NDUFAF2: variants seen among roughly 807,000 people sequenced by gnomAD.
The protein encoded by NDUFAF2 is NADH:ubiquinone oxidoreductase complex assembly factor 2, also known as NADH dehydrogenase [ubiquinone] 1 alpha subcomplex assembly factor 2.
Under a neutral mutation model 22.8 loss-of-function variants are expected in NDUFAF2, and 13 were observed. The ratio of observed to expected loss-of-function variants is 0.57; its 90% CI spans 0.37 to 0.91. The LOEUF is 0.91. NDUFAF2 is among the 40% of genes least tolerant of loss of function. The probability of loss-of-function intolerance (pLI) is 0.01; values close to 1 mark genes in which losing one functional copy is unlikely to be tolerated. For missense variants in NDUFAF2, 162 were observed against 195.2 expected, an observed-to-expected ratio of 0.83 and a Z score of 1.01; for synonymous variants, 53 against 64.2, an observed-to-expected ratio of 0.83 and a Z score of 0.84.
intron 1 of NDUFAF2, among the ~76,000 whole-genome samples, chr5:61,039,498 A>G (rs917789795): frequency 2.6e-5 from 4 of 152,210 alleles, no homozygotes; most frequent in Non-Finnish European, 4.4e-5. Flanking sequence ...CAAATTTCCA[A>G]CTGAATCTCA....
chr5:61,133,266 G>A (rs1177574610), intron 3 of NDUFAF2, among the ~76,000 whole-genome samples: 2 of 151,802 alleles, frequency 1.3e-5, no homozygotes, highest in African/African-American at 4.8e-5. Flanking sequence ...TATTTCTTTG[G>A]GGAAAAAAAA....
chr5:61,022,408 C>T (rs898428624), intron 1 of NDUFAF2, among the ~76,000 whole-genome samples: 1 of 152,160 alleles, frequency 6.6e-6, no homozygotes, highest in Non-Finnish European at 1.5e-5. Flanking sequence ...CTGAGAATGT[C>T]TGTTTTCCTC....
intron 1 of NDUFAF2, among the ~76,000 whole-genome samples, chr5:61,007,348 T>G (rs1484367540): frequency 6.6e-6 from 1 of 152,046 alleles, no homozygotes; most frequent in Non-Finnish European, 1.5e-5. Context: ...TAGCCAGTTT[T>G]CCCAGCACCA....
chr5:61,107,915 T>G (rs1299010460), intron 3 of NDUFAF2, among the ~76,000 whole-genome samples: 1 of 148,108 alleles, frequency 6.8e-6, no homozygotes, highest in Non-Finnish European at 1.5e-5. Context: ...GAAGATGCGG[T>G]GTTTGGTTTT....
intron 1 of NDUFAF2, among the ~76,000 whole-genome samples, chr5:61,027,290 C>T (rs1196161893): frequency 1.4e-5 from 2 of 145,504 alleles, no homozygotes; most frequent in African/African-American, 2.5e-5. Context: ...TTAAAAGGTA[C>T]ACGTGGACTT....
intron 3 of NDUFAF2, among the ~76,000 whole-genome samples, chr5:61,103,224 C>G (rs749070429): frequency 2.0e-5 from 3 of 152,046 alleles, no homozygotes; most frequent in African/African-American, 7.2e-5. Flanking sequence ...CTAGCTTTGT[C>G]TCCTTAGGCT....
chr5:61,141,421 T>C (rs1741055950), intron 3 of NDUFAF2, among the ~76,000 whole-genome samples: 1 of 152,114 alleles, frequency 6.6e-6, no homozygotes, highest in Non-Finnish European at 1.5e-5. Flanking sequence ...TTTAACTCAA[T>C]CCTTGGCACT....
intron 1 of NDUFAF2, among the ~76,000 whole-genome samples, chr5:60,967,326 T>G (rs1214765846): frequency 2.0e-5 from 3 of 151,972 alleles, no homozygotes; most frequent in Non-Finnish European, 2.9e-5. Context: ...TCAGATGTCT[T>G]TTATTTATTT....
chr5:61,105,264 CA>C (rs1752748456), intron 3 of NDUFAF2, among the ~76,000 whole-genome samples: 1 of 151,258 alleles, frequency 6.6e-6, no homozygotes, highest in Non-Finnish European at 1.5e-5. Flanking sequence ...AGGCCCATTT[CA>C]GTGTTGTCTC....
At chr5:61,045,531 G>T (rs982037426) in intron 1 of NDUFAF2, among the ~76,000 whole-genome samples, 1 of 151,602 alleles carries the variant, frequency 6.6e-6, no homozygotes, top group African/African-American at 2.4e-5. Context: ...TAGAGACGGG[G>T]TCTCGCTATT....
chr5:61,073,062 T>C, intron 1 of NDUFAF2, 63 bp from the exon 2 acceptor site: 2 of 991,180 alleles, frequency 2.0e-6, no homozygotes, highest in South Asian at 2.6e-5. Context: ...ATTCAAAGAT[T>C]AATTGTAGAA....
At chr5:60,990,336 A>T (rs1375009089) in intron 1 of NDUFAF2, among the ~76,000 whole-genome samples, 1 of 152,170 alleles carries the variant, frequency 6.6e-6, no homozygotes, top group Non-Finnish European at 1.5e-5. Flanking sequence ...CAGGTGATGG[A>T]TATCCTATTT....
At chr5:60,975,755 A>C (rs1460295219) in intron 1 of NDUFAF2, among the ~76,000 whole-genome samples, 6 of 152,228 alleles carry the variant, frequency 3.9e-5, no homozygotes, top group Admixed American at 3.3e-4. Context: ...TGAGCCATAA[A>C]GTAGAAGGAA....
At chr5:61,013,700 T>TC (rs1242196448) in intron 1 of NDUFAF2, among the ~76,000 whole-genome samples, 1 of 102,096 alleles carries the variant, frequency 9.8e-6, no homozygotes, top group African/African-American at 3.5e-5. Context: ...TAACTTTATC[T>TC]CCTTTTTTTT....
intron 1 of NDUFAF2, among the ~76,000 whole-genome samples, chr5:61,022,237 T>C (rs960792787): frequency 6.6e-6 from 1 of 152,232 alleles, no homozygotes; most frequent in Non-Finnish European, 1.5e-5. Flanking sequence ...GTTACTGTTA[T>C]TATCAATATT....
At chr5:61,035,254 A>T (rs1282671951) in intron 1 of NDUFAF2, among the ~76,000 whole-genome samples, 1 of 151,462 alleles carries the variant, frequency 6.6e-6, no homozygotes, top group Non-Finnish European at 1.5e-5. Context: ...TTTAGTAGAG[A>T]TGGGGTTCAC....
chr5:61,108,698 A>G (rs1182129351), intron 3 of NDUFAF2, among the ~76,000 whole-genome samples: 3 of 152,094 alleles, frequency 2.0e-5, no homozygotes, highest in Non-Finnish European at 4.4e-5. Flanking sequence ...TTTTCCCAGC[A>G]CCATTTATTG....
rs77035912 is a variant in NDUFAF2, at chr5:61,119,292, A to G, written c.258+20260A>G. On this transcript the variant is annotated intron_variant, in intron 3 of 3. Coordinates refer to ENST00000296597, the MANE Select transcript of NDUFAF2 (RefSeq NM_174889.5). ...ATCTGGTATATGCTCAAGAGCTAAC[A>G]ATTTCTTTGCATGTAGACTTCTTTT... 1.9e-3 allele frequency among the ~76,000 whole-genome samples: 294 copies of G among 152,328 alleles called. 6 individuals carry two copies. The highest frequency in any genetic ancestry group is 0.014 in the East Asian group (74 of 5,184).
chr5:60,951,216 A>G (rs1009238147), intron 1 of NDUFAF2, among the ~76,000 whole-genome samples: 1 of 151,998 alleles, frequency 6.6e-6, no homozygotes, highest in Admixed American at 6.6e-5. Flanking sequence ...TTTTAGTAAG[A>G]GACAGGGTTT....
Sources: gnomAD v4.1 joint callset for allele counts (sites outside exome capture counted in the v4.1 genomes callset) on GRCh38, gnomAD v4.1.1 for gene constraint, MANE v1.5 for transcripts, NCBI Gene and HGNC (gene_info 2026-07-23, HGNC 2026-07-21) for gene names.